Variants in LNP1 observed in about 807,000 individuals in gnomAD.
LNP1 encodes the protein leukemia NUP98 fusion partner 1.
In LNP1, 12 loss-of-function variants were observed where a neutral mutation model predicts 14.5. The ratio of observed to expected loss-of-function variants is 0.83; its 90% CI spans 0.53 to 1.34. The LOEUF (loss-of-function observed/expected upper bound fraction) is 1.34. Among genes scored for constraint, LNP1 ranks in the 40% most tolerant of loss-of-function variants. The probability of loss-of-function intolerance (pLI) is 0.00; values close to 1 mark genes in which losing one functional copy is unlikely to be tolerated. For missense variants in LNP1, 198 were observed against 210.9 expected, an observed-to-expected ratio of 0.94 and a Z score of 0.38; for synonymous variants, 75 against 71.4, an observed-to-expected ratio of 1.05 and a Z score of -0.26.
chr3:100,427,771 T>G (rs1012764915), intron 1 of LNP1, among the ~76,000 whole-genome samples: 2 of 152,172 alleles, frequency 1.3e-5, no homozygotes, highest in Admixed American at 1.3e-4. Context: ...TTAGGCACAC[T>G]CTTCCAAAAA....
intron 1 of LNP1, among the ~76,000 whole-genome samples, chr3:100,418,094 C>G (rs1377007598): frequency 7.1e-6 from 1 of 140,796 alleles, no homozygotes; most frequent in African/African-American, 2.7e-5. Context: ...GAATCTCACT[C>G]TGTCGCCCTG....
intron 2 of LNP1, 21 bp downstream of exon 2, chr3:100,429,906 C>T (rs776290184): frequency 2.1e-5 from 33 of 1,605,344 alleles, no homozygotes; most frequent in African/African-American, 4.0e-5. Flanking sequence ...GTCATGGAAC[C>T]GGAGGGGAGA....
rs1234064872 is a variant in LNP1, at chr3:100,444,464, G to A, written c.157-7255G>A. On this transcript the variant is annotated intron_variant, in intron 2 of 3. Transcript: ENST00000383693. ...CAAACACCATTTTATATTTGATAATGCTTCCTGTATAATTGTAATACCAAC... is the reference window on the plus strand; with the variant it reads ...CAAACACCATTTTATATTTGATAATACTTCCTGTATAATTGTAATACCAAC... Among the ~76,000 whole-genome samples the A allele has an allele frequency of 3.3e-5, 5 of 152,062 alleles. No individual in the cohort carries two copies. In the South Asian group the frequency reaches 1.0e-3, roughly 32 times the overall value.
intron 1 of LNP1, among the ~76,000 whole-genome samples, chr3:100,422,803 CTTTTTTTTTTTTTT>C (rs557593118): frequency 5.8e-5 from 4 of 69,080 alleles, no homozygotes; most frequent in South Asian, 5.3e-4. Context: ...TTTGTCTCCT[CTTTTTTTTTTTTTT>C]TTTTTTTTTT....
At chr3:100,451,683 T>C in intron 2 of LNP1, 36 bp from the exon 3 acceptor site, 1 of 793,964 alleles carries the variant, frequency 1.3e-6, no homozygotes, top group Non-Finnish European at 1.7e-6. Flanking sequence ...TGCACAGTCC[T>C]TTTATACTGT....
chr3:100,404,234 C>T (rs530330141), intron 1 of LNP1, among the ~76,000 whole-genome samples: 1 of 152,304 alleles, frequency 6.6e-6, no homozygotes, highest in South Asian at 2.1e-4. Context: ...CCCACTTTTA[C>T]TTGATACCAC....
intron 1 of LNP1, among the ~76,000 whole-genome samples, chr3:100,427,158 T>C (rs1707200474): frequency 1.3e-5 from 2 of 151,988 alleles, no homozygotes; most frequent in South Asian, 4.2e-4. Context: ...CTCTTGGAAC[T>C]GACTTAACAA....
intron 2 of LNP1, among the ~76,000 whole-genome samples, chr3:100,439,120 G>A (rs773441741): frequency 6.6e-6 from 1 of 152,052 alleles, no homozygotes; most frequent in African/African-American, 2.4e-5. Flanking sequence ...CACACTTTAC[G>A]TTGTGATCAA....
chr3:100,449,369 C>T (rs1259799134), intron 2 of LNP1, among the ~76,000 whole-genome samples: 1 of 152,026 alleles, frequency 6.6e-6, no homozygotes, highest in Non-Finnish European at 1.5e-5. Flanking sequence ...AGTACAAAAG[C>T]AAGCAGTTTA....
intron 2 of LNP1, among the ~76,000 whole-genome samples, chr3:100,451,408 C>A (rs1430664021): frequency 6.6e-6 from 1 of 152,110 alleles, no homozygotes; most frequent in East Asian, 1.9e-4. Context: ...TGGTTGCATT[C>A]TTTTGAGTTT....
intron 1 of LNP1, among the ~76,000 whole-genome samples, chr3:100,416,103 T>G (rs994967941): frequency 6.6e-6 from 1 of 152,232 alleles, no homozygotes; most frequent in Non-Finnish European, 1.5e-5. Context: ...AATGTCTGAT[T>G]GTCTCTCTGT....
chr3:100,449,234 A>G (rs1707416065), intron 2 of LNP1, among the ~76,000 whole-genome samples: 1 of 149,330 alleles, frequency 6.7e-6, no homozygotes, highest in Non-Finnish European at 1.5e-5. Flanking sequence ...TGTTGTTTTC[A>G]TAGTGCACTT....
At chr3:100,431,438 T>C (rs1707241171) in intron 2 of LNP1, among the ~76,000 whole-genome samples, 1 of 152,164 alleles carries the variant, frequency 6.6e-6, no homozygotes. Context: ...CTGTTTAGAT[T>C]CTCTGAGTCA....
intron 1 of LNP1, among the ~76,000 whole-genome samples, chr3:100,428,028 A>G (rs1368261779): frequency 1.3e-5 from 2 of 152,238 alleles, no homozygotes; most frequent in African/African-American, 4.8e-5. Flanking sequence ...AGAATTCCTG[A>G]TTGAAAATGC....
intron 3 of LNP1, among the ~76,000 whole-genome samples, chr3:100,453,360 C>G (rs933754633): frequency 1.3e-5 from 2 of 151,302 alleles, no homozygotes; most frequent in Non-Finnish European, 2.9e-5. Flanking sequence ...GCCACGGGAT[C>G]GCTTGAGGCC....
intron 1 of LNP1, among the ~76,000 whole-genome samples, chr3:100,405,275 C>T (rs1706954875): frequency 6.6e-6 from 1 of 152,188 alleles, no homozygotes; most frequent in African/African-American, 2.4e-5. Flanking sequence ...ACAAATTCAA[C>T]TTTGTTGTAA....
intron 1 of LNP1, among the ~76,000 whole-genome samples, chr3:100,424,643 G>A (rs1052729375): frequency 1.3e-5 from 2 of 152,076 alleles, no homozygotes; most frequent in African/African-American, 2.4e-5. Flanking sequence ...CACATTAGTC[G>A]GGCAGTTTAG....
At chr3:100,417,032 T>A (rs1707091441) in intron 1 of LNP1, among the ~76,000 whole-genome samples, 1 of 152,166 alleles carries the variant, frequency 6.6e-6, no homozygotes, top group African/African-American at 2.4e-5. Flanking sequence ...TTTATCTTTT[T>A]GTGTCTGTGC....
chr3:100,456,205 T>A lies in LNP1; in HGVS notation c.*279T>A. On this transcript the variant is annotated 3_prime_UTR_variant, in exon 4 of 4. Transcript: ENST00000383693. ...GAGAATAAAAGGTATTTTAATAGAA[T>A]AAAGAAAAATTTGAAAATATAATGG... is the stretch of plus-strand genomic sequence containing the variant. 1 of 247,586 alleles carries A rather than the reference T, an allele frequency of 4.0e-6. No individual in the cohort carries two copies. Among genetic ancestry groups the A allele is most frequent in the Admixed American group, 5.5e-5 (1 of 18,334 alleles). The allele number at this position is 247,586 out of a possible 1,614,324, so 15.3% of individuals were successfully genotyped here. A position where few individuals can be genotyped will look rare whatever the true frequency, so the allele number is the denominator to read the frequency against.
Sources: gnomAD v4.1 joint callset for allele counts (sites outside exome capture counted in the v4.1 genomes callset) on GRCh38, gnomAD v4.1.1 for gene constraint, MANE v1.5 for transcripts, NCBI Gene and HGNC (gene_info 2026-07-23, HGNC 2026-07-21) for gene names.